ATG4C: variants seen among roughly 807,000 people sequenced by gnomAD.
ATG4C encodes cysteine protease ATG4C.
ATG4C carries 56 observed loss-of-function variants against 57.6 expected under a neutral mutation model. That is an observed-to-expected ratio of 0.97 (90% CI 0.78 to 1.21). The LOEUF (loss-of-function observed/expected upper bound fraction) is 1.21, where lower values mean the gene tolerates loss of function less well. Among genes scored for constraint, ATG4C ranks in the 50% most tolerant of loss-of-function variants. The pLI is 0.00. For synonymous variants in ATG4C, 157 were observed against 174.1 expected (o/e 0.90, Z 0.78); for missense variants, 595 against 529.8 (o/e 1.12, Z -1.21).
rs571509452 is a variant in ATG4C at position 62,861,677 on chromosome 1, T to C, written c.1210-2315T>C. 9.2e-5 allele frequency among the ~76,000 whole-genome samples: 14 copies of C among 151,896 alleles called. 1 individual carries two copies. Among genetic ancestry groups the C allele is most frequent in the African/African-American group, 3.4e-4 (14 of 41,428 alleles). On this transcript the variant is annotated intron_variant, in intron 10 of 10. Coordinates refer to ENST00000317868, the MANE Select transcript of ATG4C (RefSeq NM_032852.4). ...ATCACTGTTTCATTCAGAGGTAACT[T>C]AATGTTTTGTTATCTTTCAGTCTTT... is the stretch of plus-strand genomic sequence containing the variant.
intron 1 of ATG4C, among the ~76,000 whole-genome samples, chr1:62,798,571 G>C (rs1664548639): frequency 6.6e-6 from 1 of 152,032 alleles, no homozygotes; most frequent in African/African-American, 2.4e-5. Flanking sequence ...TTTCCAACAT[G>C]GCTCAAGGGA....
At chr1:62,796,833 C>T (rs1211760784) in intron 1 of ATG4C, among the ~76,000 whole-genome samples, 4 of 152,092 alleles carry the variant, frequency 2.6e-5, no homozygotes, top group Non-Finnish European at 4.4e-5. Flanking sequence ...ATGGGCTGGG[C>T]GCGGTGGCTC....
chr1:62,808,662 A>C (rs1445743484), intron 3 of ATG4C, among the ~76,000 whole-genome samples: 1 of 152,230 alleles, frequency 6.6e-6, no homozygotes. Flanking sequence ...GGGTTGTACA[A>C]AGTGTATAAA....
chr1:62,799,369 C>T (rs1187985828), intron 1 of ATG4C, among the ~76,000 whole-genome samples: 3 of 152,172 alleles, frequency 2.0e-5, no homozygotes, highest in Non-Finnish European at 1.5e-5. Flanking sequence ...ATAATTTTAT[C>T]GTTCTCAACT....
chr1:62,809,404 CAT>C (rs942715233), intron 3 of ATG4C, among the ~76,000 whole-genome samples: 2 of 146,878 alleles, frequency 1.4e-5, no homozygotes, highest in East Asian at 2.0e-4. Context: ...TGTTTATATA[CAT>C]ATGTGTATAT....
rs367698018 is a variant in ATG4C, at chr1:62,829,184, A to G, written c.933+8A>G. On this transcript the variant is annotated splice_region_variant and intron_variant, in intron 7 of 10. Coordinates refer to ENST00000317868, the MANE Select transcript of ATG4C (RefSeq NM_032852.4). The stretch of plus-strand genomic sequence containing the variant: ...TACTTAGAATTTGTGAAGGTATGAA[A>G]TAAGTGCTGAACTTTTTTAGGGCAA... The G allele has an allele frequency of 1.9e-6, 3 of 1,611,562 alleles. No individual in the cohort carries two copies. The highest frequency in any genetic ancestry group is 1.7e-6 in the Non-Finnish European group (2 of 1,178,780).
rs560322515 is a variant in ATG4C, at chr1:62,790,277, C to A, written c.-69+6004C>A. The stretch of plus-strand genomic sequence containing the variant: ...TACCTTCAATTCAAATTCAACACTG[C>A]AGAGTTCTCATCACTTCCTTCCAAT... On this transcript the variant is annotated intron_variant, in intron 1 of 10. Transcript: ENST00000317868. Among the ~76,000 whole-genome samples the A allele has an allele frequency of 3.9e-5, 6 of 152,304 alleles. No individual in the cohort carries two copies. The South Asian group carries it at 1.2e-3, about 32-fold the overall frequency.
intron 7 of ATG4C, among the ~76,000 whole-genome samples, chr1:62,831,628 CT>C (rs5774617): frequency 6.6e-6 from 1 of 151,110 alleles, no homozygotes. Flanking sequence ...CAAATTAGGA[CT>C]TTTTTTTTGA....
intron 1 of ATG4C, among the ~76,000 whole-genome samples, chr1:62,784,944 C>CTTA (rs1347631672): frequency 1.3e-5 from 2 of 152,160 alleles, no homozygotes; most frequent in African/African-American, 4.8e-5. Flanking sequence ...AGCATCACTG[C>CTTA]TTATTGAGTT....
In ATG4C at chr1:62,842,111, A is replaced by G. The variant is rs114597735; in HGVS notation, c.1209+564A>G. 2.6e-3 allele frequency among the ~76,000 whole-genome samples: 389 copies of G among 152,188 alleles called. 2 individuals carry two copies. The highest frequency in any genetic ancestry group is 8.8e-3 in the African/African-American group (366 of 41,532). ...TTCTTCTCATTACATTTATACTTCT[A>G]CATTTTTTTGGTCCTTGAGTACTGC... On this transcript the variant is annotated intron_variant, in intron 10 of 10. Transcript: ENST00000317868.
In ATG4C at chr1:62,790,220, T is replaced by C. The variant is rs57246918; in HGVS notation, c.-69+5947T>C. On this transcript the variant is annotated intron_variant, in intron 1 of 10. Transcript: ENST00000317868. ...TGAGCCACTGTACCCGGCCAACATA[T>C]ACATTTTTTAAGAAATCATGAGTTC... 2.8e-3 allele frequency among the ~76,000 whole-genome samples: 419 copies of C among 152,302 alleles called. 2 individuals carry two copies. The highest frequency in any genetic ancestry group is 9.8e-3 in the African/African-American group (407 of 41,566).
intron 10 of ATG4C, among the ~76,000 whole-genome samples, chr1:62,849,844 G>A (rs1666447447): frequency 6.6e-6 from 1 of 151,886 alleles, no homozygotes; most frequent in African/African-American, 2.4e-5. Context: ...GGTTCTTGGT[G>A]GTAGGGTTGA....
intron 10 of ATG4C, among the ~76,000 whole-genome samples, chr1:62,860,816 G>A (rs1166681701): frequency 6.6e-6 from 1 of 152,172 alleles, no homozygotes; most frequent in Non-Finnish European, 1.5e-5. Context: ...CTGTACTGGG[G>A]AATAATTTTA....
chr1:62,849,532 G>A (rs1376026216), intron 10 of ATG4C, among the ~76,000 whole-genome samples: 1 of 149,516 alleles, frequency 6.7e-6, no homozygotes, highest in Non-Finnish European at 1.5e-5. Context: ...TTTTTTTGGA[G>A]ACAGAGTCTC....
chr1:62,794,639 C>T (rs1424037023), intron 1 of ATG4C, among the ~76,000 whole-genome samples: 1 of 152,154 alleles, frequency 6.6e-6, no homozygotes, highest in Non-Finnish European at 1.5e-5. Flanking sequence ...TACCCCTTAG[C>T]TCTGAAAGGG....
chr1:62,804,647 C>T (rs1664799077), intron 2 of ATG4C, among the ~76,000 whole-genome samples: 1 of 152,062 alleles, frequency 6.6e-6, no homozygotes, highest in Non-Finnish European at 1.5e-5. Context: ...TAACCTAGTT[C>T]CTTTTGATTT....
rs1161449502 is a variant in ATG4C at position 62,850,854 on chromosome 1, G to GTATATA, written c.1209+9350_1209+9355dup. ...CATGTATGTATGTGTGTGTATGTATGTATATATATATATATATATATATAT... is the reference window on the plus strand; with the variant it reads ...CATGTATGTATGTGTGTGTATGTATGTATATATATATATATATATATATATATATAT... On this transcript the variant is annotated intron_variant, in intron 10 of 10. Transcript: ENST00000317868. Among the ~76,000 whole-genome samples the GTATATA allele has an allele frequency of 1.1e-3, 89 of 84,050 alleles. 1 individual carries two copies. Among genetic ancestry groups the GTATATA allele is most frequent in the South Asian group, 1.8e-3 (3 of 1,686 alleles). 55.1% of individuals were successfully genotyped at this position (84,050 alleles called of 152,430 possible).
chr1:62,791,794 G>C (rs567475673), intron 1 of ATG4C, among the ~76,000 whole-genome samples: 5 of 152,096 alleles, frequency 3.3e-5, no homozygotes, highest in Non-Finnish European at 7.3e-5. Flanking sequence ...CAAAATCACT[G>C]TATCTTAAAC....
At chr1:62,814,687 T>C (rs1369781228) in intron 3 of ATG4C, among the ~76,000 whole-genome samples, 1 of 152,252 alleles carries the variant, frequency 6.6e-6, no homozygotes, top group African/African-American at 2.4e-5. Flanking sequence ...TTTGTGTCTT[T>C]ACATTTAGAA....
Sources: allele counts gnomAD v4.1 joint callset (sites outside exome capture counted in the v4.1 genomes callset), GRCh38; gene constraint gnomAD v4.1.1; transcripts MANE v1.5; gene names NCBI Gene and HGNC (gene_info 2026-07-23, HGNC 2026-07-21).